The following ATP2A3 variants were observed in gnomAD, a reference collection of about 807,000 sequenced individuals.
ATP2A3 encodes the protein sarcoplasmic/endoplasmic reticulum calcium ATPase 3.
ATP2A3 carries 61 observed loss-of-function variants against 106.8 expected under a neutral mutation model. The ratio of observed to expected loss-of-function variants is 0.57; its 90% CI spans 0.46 to 0.71. The LOEUF (loss-of-function observed/expected upper bound fraction) is 0.71, where lower values mean the gene tolerates loss of function less well. Ranked by LOEUF, ATP2A3 falls within the 30% of genes least tolerant of loss-of-function variation. The pLI, the probability that ATP2A3 is intolerant of heterozygous loss-of-function variation, is 0.00. For missense variants in ATP2A3, 1,201 were observed against 1,423.5 expected, an observed-to-expected ratio of 0.84 and a Z score of 2.52; for synonymous variants, 611 against 609.3, an observed-to-expected ratio of 1.00 and a Z score of -0.04.
intron 9 of ATP2A3, 25 bp downstream of exon 9, chr17:3,945,035 G>C (rs1399999274): frequency 1.3e-6 from 2 of 1,494,594 alleles, no homozygotes; most frequent in Non-Finnish European, 1.8e-6. Context: ...CCGCCCGCCC[G>C]CGCGTCCCCT....
At position 3,928,188 on chromosome 17, in the gene ATP2A3, A is replaced by G. The variant is rs1464378017; in HGVS notation, c.2980+475T>C. 1.9e-6 allele frequency: 3 copies of G among 1,606,928 alleles called. No homozygotes were observed. Among genetic ancestry groups the G allele is most frequent in the South Asian group, 2.2e-5 (2 of 90,928 alleles). ...AAGGCAGACCCAGAGCTGTGAGCTC[A>G]GAAACAACCCTCCCCTTGACCCACC... On this transcript the variant is annotated intron_variant, in intron 20 of 20. Transcript: ENST00000397041. The surrounding 1 kb of genome is among the most constrained non-coding windows in gnomAD (Gnocchi z 6.1).
intron 1 of ATP2A3, among the ~76,000 whole-genome samples, chr17:3,961,407 G>C (rs1320085849): frequency 3.3e-5 from 5 of 152,038 alleles, no homozygotes; most frequent in Admixed American, 3.3e-4. Flanking sequence ...TGGGGGTTAC[G>C]GCAGATGGGG....
At chr17:3,943,647 GC>G (rs2053915805) in intron 10 of ATP2A3, 125 bp from the exon 11 acceptor site, 4 of 1,474,442 alleles carry the variant, frequency 2.7e-6, no homozygotes, top group Non-Finnish European at 2.8e-6. Context: ...CTTTGCACCG[GC>G]CCGTGAGCCC....
At chr17:3,935,673 G>C (rs1044838633) in intron 16 of ATP2A3, among the ~76,000 whole-genome samples, 5 of 152,104 alleles carry the variant, frequency 3.3e-5, no homozygotes, top group Admixed American at 6.5e-5. Flanking sequence ...GAGTAGGTGG[G>C]ATTACAGGCA....
intron 1 of ATP2A3, among the ~76,000 whole-genome samples, chr17:3,954,945 G>A (rs990244867): frequency 3.3e-5 from 5 of 152,202 alleles, no homozygotes; most frequent in African/African-American, 7.2e-5. Flanking sequence ...ACCCGGGCAC[G>A]GAGGATCAGG....
intron 14 of ATP2A3, 64 bp downstream of exon 14, chr17:3,940,907 G>T: frequency 1.3e-6 from 2 of 1,566,282 alleles, no homozygotes; most frequent in Non-Finnish European, 8.8e-7. Context: ...TGCACGGCTT[G>T]CTCTTTTCAC....
chr17:3,928,539 G>C lies in ATP2A3; in HGVS notation c.2980+124C>G. On this transcript the variant is annotated intron_variant, in intron 20 of 20. Transcript: ENST00000397041. The surrounding 1 kb of genome is among the most constrained non-coding windows in gnomAD (Gnocchi z 6.1). Reference sequence around the variant, plus strand: ...CTTCACACCCTCCACTTGGTGATCCGAGAACGCCTCCCCGATGTGCAGACA... The same window carrying C: ...CTTCACACCCTCCACTTGGTGATCCCAGAACGCCTCCCCGATGTGCAGACA... The C allele has an allele frequency of 9.7e-7, 1 of 1,033,506 alleles. No homozygotes were observed. Among genetic ancestry groups the C allele is most frequent in the Non-Finnish European group, 1.5e-6 (1 of 684,110 alleles). The allele number at this position is 1,033,506 out of a possible 1,614,324, so 64.0% of individuals were successfully genotyped here. A position where few individuals can be genotyped will look rare whatever the true frequency, so the allele number is the denominator to read the frequency against.
At chr17:3,942,002 G>A (rs1383344426) in intron 12 of ATP2A3, among the ~76,000 whole-genome samples, 1 of 152,156 alleles carries the variant, frequency 6.6e-6, no homozygotes. Flanking sequence ...GGTGCTACTC[G>A]GGTTCCAATT....
chr17:3,928,901 C>T lies in ATP2A3; in HGVS notation c.2863-121G>A. On this transcript the variant is annotated intron_variant, in intron 19 of 20. Transcript: ENST00000397041. The surrounding 1 kb of genome is among the most constrained non-coding windows in gnomAD (Gnocchi z 6.1). ...CTCTTCATGAGCGCTCCTAAGAACC[C>T]CCTGGATGCACCCCCGATCTTTGTC... 1 of 719,796 alleles carries T rather than the reference C, an allele frequency of 1.4e-6. No individual in the cohort carries two copies. 44.6% of individuals were successfully genotyped at this position (719,796 alleles called of 1,614,324 possible).
In ATP2A3 at chr17:3,926,858, T is replaced by G; in HGVS notation, c.2981-1417A>C. On this transcript the variant is annotated intron_variant, in intron 20 of 20. Transcript: ENST00000397041. The surrounding 1 kb of genome is among the most constrained non-coding windows in gnomAD (Gnocchi z 4.6). ...TGCTGGGATGACAGGTGTGAGCCAC[T>G]GCACCCGGCCCGTTAGTCTCACCCC... 1.0e-6 allele frequency: 1 copy of G among 985,404 alleles called. No individual in the cohort carries two copies. Among genetic ancestry groups the G allele is most frequent in the Non-Finnish European group, 1.2e-6 (1 of 829,914 alleles). The allele number at this position is 985,404 out of a possible 1,614,324, so 61.0% of individuals were successfully genotyped here.
At chr17:3,962,558 C>A (rs1443171911) in intron 1 of ATP2A3, among the ~76,000 whole-genome samples, 6 of 152,194 alleles carry the variant, frequency 3.9e-5, no homozygotes, top group African/African-American at 1.4e-4. Flanking sequence ...ACACACCACG[C>A]CAAGCCCACA....
intron 12 of ATP2A3, among the ~76,000 whole-genome samples, chr17:3,941,975 G>A (rs992686795): frequency 1.3e-5 from 2 of 152,198 alleles, no homozygotes; most frequent in Non-Finnish European, 2.9e-5. Flanking sequence ...GGCATCCCCT[G>A]CAGGCCCTGC....
At chr17:3,931,205 C>G (rs1457661791) in intron 17 of ATP2A3, among the ~76,000 whole-genome samples, 1 of 152,118 alleles carries the variant, frequency 6.6e-6, no homozygotes, top group Non-Finnish European at 1.5e-5. Context: ...AAACTGAACT[C>G]TATCAGATCT....
Position 3,942,697 on chromosome 17 carries a change from A to G in ATP2A3, c.1454T>C (p.Leu485Pro). The change falls in exon 12 of 21, where the codon CTG becomes CCG. Residue 485 changes from leucine (L) to proline (P), a missense_variant. Transcript: ENST00000397041. ...GGATTTCCGGTCTCGGGAGAACTCC[A>G]GGGTGAACTCCTTCCGCATCAGCTG... ...IKQLMRKEFT[L>P]EFSRDRKSMS... is the part of the protein sequence containing the mutation. The G allele has an allele frequency of 6.2e-7, 1 of 1,613,604 alleles. No homozygotes were observed. Among genetic ancestry groups the G allele is most frequent in the Non-Finnish European group, 8.5e-7 (1 of 1,179,958 alleles).
rs1434016793 is a variant in ATP2A3 at position 3,929,103 on chromosome 17, C to G, written c.2862+225G>C. ...GGAAAGCTCGTCCTTCCTCCCACCC[C>G]AGCCTGGGCACAGTCCCCTCAGCAA... On this transcript the variant is annotated intron_variant, in intron 19 of 20. Coordinates refer to ENST00000397041, the MANE Select transcript of ATP2A3 (RefSeq NM_005173.4). This position sits in a 1 kb window ranked among gnomAD's most constrained non-coding sequence, Gnocchi z 4.3. Among the ~76,000 whole-genome samples, 5 of 152,202 alleles carry G rather than the reference C, an allele frequency of 3.3e-5. No homozygotes were observed. The highest frequency in any genetic ancestry group is 6.5e-5 in the Admixed American group (1 of 15,284).
intron 7 of ATP2A3, among the ~76,000 whole-genome samples, chr17:3,948,906 A>G (rs1280268060): frequency 2.0e-5 from 3 of 152,076 alleles, no homozygotes; most frequent in African/African-American, 7.2e-5. Context: ...AGGCGGGCAG[A>G]TCACCTGAGG....
chr17:3,956,684 G>A (rs998003777), intron 1 of ATP2A3, among the ~76,000 whole-genome samples: 6 of 152,214 alleles, frequency 3.9e-5, no homozygotes, highest in African/African-American at 9.6e-5. Flanking sequence ...CAGAGCACCC[G>A]GGGACCAGCC....
chr17:3,924,824 C>G lies in ATP2A3; in HGVS notation c.*598G>C. On this transcript the variant is annotated 3_prime_UTR_variant, in exon 21 of 21. Coordinates refer to ENST00000397041, the MANE Select transcript of ATP2A3 (RefSeq NM_005173.4). This position sits in a 1 kb window ranked among gnomAD's most constrained non-coding sequence, Gnocchi z 6.4. ...GCCCTGCACATATAAACAGAAGCAG[C>G]CTCGAGCTCTCGGGAGCCGACTTTG... 1 of 456,728 alleles carries G rather than the reference C, an allele frequency of 2.2e-6. No individual in the cohort carries two copies. Among genetic ancestry groups the G allele is most frequent in the Non-Finnish European group, 4.4e-6 (1 of 226,998 alleles). The allele number at this position is 456,728 out of a possible 1,614,324, so 28.3% of individuals were successfully genotyped here. A position where few individuals can be genotyped will look rare whatever the true frequency, so the allele number is the denominator to read the frequency against.
rs1361495744 is a variant in ATP2A3, at chr17:3,936,457, C to A, written c.2334G>T (p.Thr778=). The change falls in exon 16 of 21, where the codon ACG becomes ACT. Residue 778 remains threonine (T), a synonymous_variant. Transcript: ENST00000397041. This position sits in a 1 kb window ranked among gnomAD's most constrained non-coding sequence, Gnocchi z 5.4. ...NVGEVVCIFL[T]AILGLPEALI... Reference sequence around the variant, plus strand: ...GGGCTTCGGGCAGGCCCAGAATTGCCGTGAGGAAGATGCTGGAACAGAGTC... The same window carrying A: ...GGGCTTCGGGCAGGCCCAGAATTGCAGTGAGGAAGATGCTGGAACAGAGTC... 1.9e-6 allele frequency: 3 copies of A among 1,613,924 alleles called. No homozygotes were observed. Among genetic ancestry groups the A allele is most frequent in the Non-Finnish European group, 2.5e-6 (3 of 1,180,036 alleles).
Sources: allele counts gnomAD v4.1 joint callset (sites outside exome capture counted in the v4.1 genomes callset), GRCh38; gene constraint gnomAD v4.1.1; non-coding constraint Gnocchi (gnomAD v3.1); transcripts MANE v1.5; gene names NCBI Gene and HGNC (gene_info 2026-07-23, HGNC 2026-07-21).